Variants in SNTG2 observed in about 807,000 individuals in gnomAD.
The protein encoded by SNTG2 is gamma-2-syntrophin.
In SNTG2, 74 loss-of-function variants were observed where a neutral mutation model predicts 70.9. The observed-to-expected ratio is 1.04, with a 90% confidence interval of 0.86 to 1.27. SNTG2 has a LOEUF of 1.27. Among genes scored for constraint, SNTG2 ranks in the 50% most tolerant of loss-of-function variants. The pLI is 0.00. For missense variants in SNTG2, 717 were observed against 690.7 expected (o/e 1.04, Z -0.43); for synonymous variants, 278 against 273.8 (o/e 1.02, Z -0.15).
intron 1 of SNTG2, among the ~76,000 whole-genome samples, chr2:1,002,612 A>C (rs1230870651): frequency 1.3e-5 from 2 of 151,760 alleles, no homozygotes; most frequent in Non-Finnish European, 1.5e-5. Context: ...GTGTATGAGG[A>C]TGTGGAGAAA....
intron 14 of SNTG2, among the ~76,000 whole-genome samples, chr2:1,294,823 G>A (rs139039743): frequency 2.3e-4 from 35 of 152,286 alleles, no homozygotes; most frequent in East Asian, 1.4e-3. Flanking sequence ...GAGTGTCATC[G>A]TTTGCTTTAT....
intron 1 of SNTG2, among the ~76,000 whole-genome samples, chr2:1,065,949 T>C: frequency 6.6e-6 from 1 of 152,184 alleles, no homozygotes; most frequent in East Asian, 1.9e-4. Flanking sequence ...CACACAAGAT[T>C]ATCTAAAATG....
rs1246269519 is a variant in SNTG2 at position 1,316,302 on chromosome 2, G to T, written c.1415G>T (p.Gly472Val). ...AGATTTAAATTTTCCCAGCTTAAGG[G>T]ATCTTCAGATGATGGGAAAACTCGA... ...LWRFKFSQLK[G>V]SSDDGKTRVK... Residue 472 changes from glycine to valine, a missense_variant, in exon 16 of 17, where the codon GGA (glycine) becomes GTA (valine). By Grantham distance (109) the Gly-to-Val change is moderately radical. Transcript: ENST00000308624. The T allele has an allele frequency of 2.6e-6, 4 of 1,549,548 alleles. No homozygotes were observed. The highest frequency in any genetic ancestry group is 3.5e-6 in the Non-Finnish European group (4 of 1,145,464).
At chr2:1,034,760 G>A (rs901625359) in intron 1 of SNTG2, among the ~76,000 whole-genome samples, 13 of 152,046 alleles carry the variant, frequency 8.6e-5, no homozygotes, top group African/African-American at 1.9e-4. Flanking sequence ...TTAGATTCCC[G>A]CACAATAATA....
At chr2:1,293,640 A>G (rs1680079731) in intron 14 of SNTG2, among the ~76,000 whole-genome samples, 1 of 152,096 alleles carries the variant, frequency 6.6e-6, no homozygotes, top group Admixed American at 6.6e-5. Flanking sequence ...TAAGTTGCAC[A>G]TATTTGCTGA....
intron 16 of SNTG2, among the ~76,000 whole-genome samples, chr2:1,342,051 G>C (rs534035200): frequency 6.6e-6 from 1 of 152,012 alleles, no homozygotes; most frequent in Non-Finnish European, 1.5e-5. Context: ...TGTAGCCTGG[G>C]ACTTAGGTAA....
chr2:1,091,137 G>A (rs2148191839), intron 2 of SNTG2, among the ~76,000 whole-genome samples: 1 of 152,296 alleles, frequency 6.6e-6, no homozygotes, highest in African/African-American at 2.4e-5. Flanking sequence ...ATTCGCATCT[G>A]TGACTAATCT....
intron 8 of SNTG2, among the ~76,000 whole-genome samples, chr2:1,206,858 G>A (rs1376811607): frequency 1.3e-5 from 2 of 152,180 alleles, no homozygotes; most frequent in East Asian, 3.9e-4. Flanking sequence ...GCATTGTATA[G>A]TAGAATCCTC....
chr2:1,172,884 C>G (rs1476730992), intron 7 of SNTG2, among the ~76,000 whole-genome samples: 1 of 152,184 alleles, frequency 6.6e-6, no homozygotes, highest in Non-Finnish European at 1.5e-5. Context: ...GTGGTCCCTC[C>G]CTTCAACCTG....
At chr2:1,077,935 C>T (rs998333918) in intron 1 of SNTG2, among the ~76,000 whole-genome samples, 3 of 152,130 alleles carry the variant, frequency 2.0e-5, no homozygotes, top group East Asian at 1.9e-4. Flanking sequence ...GGTGCTGACG[C>T]GGGTTCACGG....
chr2:1,045,868 G>T (rs1661705735), intron 1 of SNTG2, among the ~76,000 whole-genome samples: 1 of 152,118 alleles, frequency 6.6e-6, no homozygotes, highest in Admixed American at 6.5e-5. Flanking sequence ...GAAGTGTTCT[G>T]TAGATGTCTA....
chr2:1,183,544 A>C (rs866680044), intron 8 of SNTG2, among the ~76,000 whole-genome samples: 4 of 152,252 alleles, frequency 2.6e-5, no homozygotes, highest in African/African-American at 9.6e-5. Flanking sequence ...AAGGCTGGAC[A>C]GATAGAGAAT....
chr2:997,217 C>T (rs1178786446), intron 1 of SNTG2, among the ~76,000 whole-genome samples: 4 of 152,110 alleles, frequency 2.6e-5, no homozygotes, highest in East Asian at 1.9e-4. Flanking sequence ...GTACTGGGGG[C>T]GTGACAAGCT....
intron 16 of SNTG2, among the ~76,000 whole-genome samples, chr2:1,356,205 T>G (rs936783565): frequency 6.6e-6 from 1 of 152,194 alleles, no homozygotes; most frequent in Non-Finnish European, 1.5e-5. Flanking sequence ...GACCCAAATG[T>G]CTACTTTTGC....
rs751178580 is a variant in SNTG2, at chr2:1,060,742, GAAGA to G, written c.73-22773_73-22770del. Among the ~76,000 whole-genome samples the G allele has an allele frequency of 1.3e-3, 197 of 152,284 alleles. 1 individual carries two copies. Among genetic ancestry groups the G allele is most frequent in the Middle Eastern group, 6.8e-3 (2 of 294 alleles). On this transcript the variant is annotated intron_variant, in intron 1 of 16. Transcript: ENST00000308624. ...AATAAGTGAATAAATAAATGGAAAA[GAAGA>G]AAAAGCTGTACTTGTAGTTAGATGC...
At chr2:981,141 G>A (rs753585379) in intron 1 of SNTG2, among the ~76,000 whole-genome samples, 36 of 152,100 alleles carry the variant, frequency 2.4e-4, no homozygotes, top group Non-Finnish European at 4.0e-4. Flanking sequence ...TTCTATTGTA[G>A]CTTTGCTTTT....
At chr2:1,280,939 T>C (rs779593261) in intron 14 of SNTG2, among the ~76,000 whole-genome samples, 1 of 152,254 alleles carries the variant, frequency 6.6e-6, no homozygotes, top group Admixed American at 6.5e-5. Flanking sequence ...GCTGCTGCTG[T>C]GCACGTGGAC....
intron 1 of SNTG2, among the ~76,000 whole-genome samples, chr2:1,033,167 G>A (rs1660937520): frequency 6.6e-6 from 1 of 152,304 alleles, no homozygotes; most frequent in South Asian, 2.1e-4. Flanking sequence ...CATTGGAGAT[G>A]ACACCTCAAC....
intron 1 of SNTG2, among the ~76,000 whole-genome samples, chr2:988,376 T>C (rs1661394330): frequency 6.6e-6 from 1 of 152,240 alleles, no homozygotes; most frequent in South Asian, 2.1e-4. Flanking sequence ...TCTGTGTCCC[T>C]AGAGTTGTTG....
Sources: allele counts gnomAD v4.1 joint callset (sites outside exome capture counted in the v4.1 genomes callset), GRCh38; gene constraint gnomAD v4.1.1; transcripts MANE v1.5; gene names NCBI Gene and HGNC (gene_info 2026-07-23, HGNC 2026-07-21).